LY96: variants seen among roughly 807,000 people sequenced by gnomAD.
The protein encoded by LY96 is lymphocyte antigen 96, also known as myeloid differentiation protein-2.
In LY96, 18 loss-of-function variants were observed where a neutral mutation model predicts 18.9. That is an observed-to-expected ratio of 0.95 (90% CI 0.66 to 1.41). LY96 has a LOEUF of 1.41. LY96 is among the 40% of genes most tolerant of loss of function. LY96 has a pLI of 0.00. For missense variants in LY96, 175 were observed against 182.4 expected, an observed-to-expected ratio of 0.96 and a Z score of 0.23; for synonymous variants, 66 against 62.6, an observed-to-expected ratio of 1.06 and a Z score of -0.26.
the LY96 span, among the ~76,000 whole-genome samples, chr8:74,086,441 A>G: frequency 6.6e-6 from 1 of 152,206 alleles, no homozygotes; most frequent in African/African-American, 2.4e-5. Flanking sequence ...CTGTCTCACT[A>G]TCTCAAATCC....
intron 3 of LY96, among the ~76,000 whole-genome samples, chr8:74,026,311 C>G (rs538620979): frequency 1.7e-4 from 26 of 152,272 alleles, no homozygotes; most frequent in South Asian, 4.1e-4. Context: ...GGGCCAGGCC[C>G]GTGGCTATGC....
intron 3 of LY96, among the ~76,000 whole-genome samples, chr8:74,023,671 C>T (rs978685348): frequency 1.3e-5 from 2 of 152,044 alleles, no homozygotes; most frequent in Admixed American, 6.5e-5. Flanking sequence ...TCTCTTTCTC[C>T]GTTCAAATTT....
At chr8:74,076,475 C>A in the LY96 span, among the ~76,000 whole-genome samples, 1 of 151,886 alleles carries the variant, frequency 6.6e-6, no homozygotes, top group African/African-American at 2.4e-5. Flanking sequence ...AGGCTTGCAC[C>A]ATCATACCCG....
At chr8:74,030,936 G>A (rs1295887303), downstream of LY96, among the ~76,000 whole-genome samples, 1 of 152,192 alleles carries the variant, frequency 6.6e-6, no homozygotes, top group African/African-American at 2.4e-5. Context: ...GAATCCCCGA[G>A]TACCCATGGG....
At chr8:74,063,947 T>TC in the LY96 span, among the ~76,000 whole-genome samples, 1 of 152,130 alleles carries the variant, frequency 6.6e-6, no homozygotes, top group African/African-American at 2.4e-5. Context: ...TGACTTTTTT[T>TC]CCCCTGTCAT....
intron 3 of LY96, among the ~76,000 whole-genome samples, chr8:74,025,526 G>A (rs762345999): frequency 1.4e-4 from 22 of 151,868 alleles, no homozygotes; most frequent in Non-Finnish European, 2.8e-4. Context: ...GTAGTGGTGG[G>A]TGTCTGTAAT....
chr8:74,002,834 A>G (rs2131261132), intron 1 of LY96, among the ~76,000 whole-genome samples: 1 of 152,210 alleles, frequency 6.6e-6, no homozygotes, highest in East Asian at 1.9e-4. Context: ...TCGGCCTCCC[A>G]GAGTGCTGGG....
At chr8:74,081,066 T>C in the LY96 span, among the ~76,000 whole-genome samples, 1,296 of 119,366 alleles carry the variant, frequency 0.011, 27 homozygotes, top group African/African-American at 0.03. Context: ...CTTTCTTTCT[T>C]ACTTTCTTTC....
chr8:74,031,803 AGGAAGG>A (rs529760954), downstream of LY96, among the ~76,000 whole-genome samples: 1,129 of 152,196 alleles, frequency 7.4e-3, 10 homozygotes, highest in African/African-American at 0.026. Context: ...GTCAATGTGG[AGGAAGG>A]GCAAAATGAA....
chr8:74,076,579 C>A, the LY96 span, among the ~76,000 whole-genome samples: 1 of 151,916 alleles, frequency 6.6e-6, no homozygotes, highest in African/African-American at 2.4e-5. Flanking sequence ...CCTGCCTTGG[C>A]CTCTCAAAGT....
At chr8:73,996,776 G>T (rs1279139957) in intron 1 of LY96, among the ~76,000 whole-genome samples, 1 of 151,942 alleles carries the variant, frequency 6.6e-6, no homozygotes, top group African/African-American at 2.4e-5. Flanking sequence ...ATGGGGTCTT[G>T]CTCTGTTGCC....
At chr8:74,030,099 T>C (rs1816945160), downstream of LY96, among the ~76,000 whole-genome samples, 1 of 152,232 alleles carries the variant, frequency 6.6e-6, no homozygotes, top group Non-Finnish European at 1.5e-5. Context: ...GCTTGAGGAC[T>C]GCATCCTGGG....
the LY96 span, among the ~76,000 whole-genome samples, chr8:74,057,722 G>A: frequency 1.3e-5 from 2 of 152,198 alleles, no homozygotes; most frequent in African/African-American, 4.8e-5. Flanking sequence ...ATATGTATCA[G>A]TTTTAATTTG....
At chr8:74,084,716 C>T in the LY96 span, among the ~76,000 whole-genome samples, 3 of 152,096 alleles carry the variant, frequency 2.0e-5, no homozygotes, top group Admixed American at 6.5e-5. Flanking sequence ...CAGATTCAAG[C>T]GATTCTCCTG....
In LY96 at chr8:73,991,435, A is replaced by G; in HGVS notation, c.-8A>G. Reference sequence around the variant, plus strand: ...TTTGCATTTGTAAAGCTTTGGAGATATTGAATCATGTTACCATTTCTGTTT... The same window carrying G: ...TTTGCATTTGTAAAGCTTTGGAGATGTTGAATCATGTTACCATTTCTGTTT... On this transcript the variant is annotated 5_prime_UTR_variant, in exon 1 of 5. In the 5' UTR this introduces an upstream ATG that the reference lacks. Transcript: ENST00000284818. The G allele has an allele frequency of 1.4e-6, 2 of 1,476,212 alleles. No individual in the cohort carries two copies. The highest frequency in any genetic ancestry group is 9.5e-7 in the Non-Finnish European group (1 of 1,054,704). 91.4% of individuals were successfully genotyped at this position (1,476,212 alleles called of 1,614,324 possible).
chr8:74,080,897 G>A, the LY96 span, among the ~76,000 whole-genome samples: 1 of 152,316 alleles, frequency 6.6e-6, no homozygotes, highest in South Asian at 2.1e-4. Context: ...GCAGAAGAGA[G>A]ACTGAATCAG....
At chr8:74,060,386 G>C in the LY96 span, among the ~76,000 whole-genome samples, 1 of 152,148 alleles carries the variant, frequency 6.6e-6, no homozygotes, top group Admixed American at 6.5e-5. Flanking sequence ...TCAGGTCTTG[G>C]CTTAAAATTC....
the LY96 span, among the ~76,000 whole-genome samples, chr8:74,091,161 G>A: frequency 8.5e-5 from 13 of 152,278 alleles, 1 homozygote; most frequent in South Asian, 2.7e-3. Context: ...TAATATTTAG[G>A]AGACTGTGAG....
At chr8:74,087,347 G>C in the LY96 span, among the ~76,000 whole-genome samples, 1 of 152,292 alleles carries the variant, frequency 6.6e-6, no homozygotes, top group East Asian at 1.9e-4. Context: ...ATTTTGACAA[G>C]TGCCCAGTTG....
Sources: allele counts gnomAD v4.1 joint callset (sites outside exome capture counted in the v4.1 genomes callset), GRCh38; gene constraint gnomAD v4.1.1; transcripts MANE v1.5; gene names NCBI Gene and HGNC (gene_info 2026-07-23, HGNC 2026-07-21).